NCKAP5: variants seen among roughly 807,000 people sequenced by gnomAD.
The protein encoded by NCKAP5 is nck-associated protein 5.
In NCKAP5, 92 loss-of-function variants were observed where a neutral mutation model predicts 167.0. The ratio of observed to expected loss-of-function variants is 0.55; its 90% CI spans 0.47 to 0.66. The LOEUF (loss-of-function observed/expected upper bound fraction) is 0.66, where lower values mean the gene tolerates loss of function less well. Among genes scored for constraint, NCKAP5 ranks in the 30% least tolerant of loss-of-function variants. The pLI, the probability that NCKAP5 is intolerant of heterozygous loss-of-function variation, is 0.00. For synonymous variants in NCKAP5, 891 were observed against 877.4 expected, an observed-to-expected ratio of 1.02 and a Z score of -0.27; for missense variants, 2,378 against 2,315.0, an observed-to-expected ratio of 1.03 and a Z score of -0.56.
Position 132,785,065 on chromosome 2 carries a change from A to G in NCKAP5, c.1746T>C (p.Thr582=), listed in dbSNP as rs759097141. The G allele has an allele frequency of 6.2e-7, 1 of 1,614,068 alleles. No individual in the cohort carries two copies. Among genetic ancestry groups the G allele is most frequent in the East Asian group, 2.2e-5 (1 of 44,880 alleles). Residue 582 remains threonine (T), a synonymous_variant, in exon 14 of 20, where the codon ACT becomes ACC. Transcript: ENST00000409261. ...RMALNLQLSD[T]DDNETFDELH... is the part of the protein sequence containing the mutation. ...GCTCATCAAACGTTTCATTGTCATC[A>G]GTGTCTGAAAGCTGGAGGTTGAGAG...
intron 15 of NCKAP5, among the ~76,000 whole-genome samples, chr2:132,779,467 C>T (rs1260196502): frequency 1.3e-5 from 2 of 152,096 alleles, no homozygotes; most frequent in African/African-American, 4.8e-5. Context: ...TTCTCTCTTC[C>T]TCCTTTCAGT....
chr2:133,298,634 T>A (rs1680132781), intron 4 of NCKAP5, among the ~76,000 whole-genome samples: 1 of 152,192 alleles, frequency 6.6e-6, no homozygotes, highest in Non-Finnish European at 1.5e-5. Flanking sequence ...TAAGATACAC[T>A]TACTAACCAA....
At chr2:132,933,144 C>T (rs532630492) in intron 8 of NCKAP5, among the ~76,000 whole-genome samples, 6 of 152,062 alleles carry the variant, frequency 3.9e-5, no homozygotes, top group Non-Finnish European at 8.8e-5. Context: ...CCAGGATGGT[C>T]TCGATCTTCT....
chr2:132,959,277 G>C (rs1416481214), intron 8 of NCKAP5, among the ~76,000 whole-genome samples: 1 of 151,986 alleles, frequency 6.6e-6, no homozygotes, highest in African/African-American at 2.4e-5. Context: ...AGTAGAAAAA[G>C]CTGTTATTCA....
At chr2:133,515,458 T>C (rs1485107383) in intron 3 of NCKAP5, among the ~76,000 whole-genome samples, 1 of 152,180 alleles carries the variant, frequency 6.6e-6, no homozygotes, top group East Asian at 1.9e-4. Flanking sequence ...AGGAAAAGAT[T>C]TCACTAGTGT....
intron 4 of NCKAP5, among the ~76,000 whole-genome samples, chr2:133,271,419 C>T (rs540162715): frequency 3.3e-4 from 50 of 152,162 alleles, no homozygotes; most frequent in African/African-American, 1.1e-3. Flanking sequence ...ACATGTTTCT[C>T]CTTATGTGAT....
intron 8 of NCKAP5, among the ~76,000 whole-genome samples, chr2:132,950,641 A>G (rs567499106): frequency 6.6e-6 from 1 of 152,200 alleles, no homozygotes; most frequent in Non-Finnish European, 1.5e-5. Context: ...CTGCAGGGAG[A>G]TTTTTTGGTG....
chr2:132,950,875 C>T (rs2076166089), intron 8 of NCKAP5, among the ~76,000 whole-genome samples: 1 of 151,468 alleles, frequency 6.6e-6, no homozygotes, highest in Non-Finnish European at 1.5e-5. Flanking sequence ...CCCCAGGAAC[C>T]TAAGAAGCAA....
intron 3 of NCKAP5, among the ~76,000 whole-genome samples, chr2:133,329,317 G>T (rs1487623571): frequency 6.6e-6 from 1 of 152,022 alleles, no homozygotes; most frequent in Non-Finnish European, 1.5e-5. Context: ...AAGGGAGGAG[G>T]GGCTGGGGAA....
intron 16 of NCKAP5, among the ~76,000 whole-genome samples, chr2:132,745,764 G>A (rs193215252): frequency 5.3e-5 from 8 of 151,954 alleles, no homozygotes; most frequent in African/African-American, 1.2e-4. Flanking sequence ...CATCATACAA[G>A]GATAATTTAG....
intron 3 of NCKAP5, among the ~76,000 whole-genome samples, chr2:133,306,629 G>A (rs1304413931): frequency 2.0e-5 from 3 of 152,180 alleles, no homozygotes; most frequent in African/African-American, 4.8e-5. Context: ...ACAGGGCTGA[G>A]TGAGCTAAGA....
intron 2 of NCKAP5, among the ~76,000 whole-genome samples, chr2:133,541,490 A>G (rs1686222980): frequency 6.6e-6 from 1 of 152,154 alleles, no homozygotes; most frequent in Non-Finnish European, 1.5e-5. Context: ...CGATCCTTCA[A>G]ACTCATTATA....
At chr2:132,850,629 T>A (rs1689003160) in intron 11 of NCKAP5, among the ~76,000 whole-genome samples, 1 of 152,132 alleles carries the variant, frequency 6.6e-6, no homozygotes, top group Admixed American at 6.6e-5. Context: ...ATGGCATATT[T>A]GACCACACTG....
At position 132,790,138 on chromosome 2, in the gene NCKAP5, A is replaced by T; in HGVS notation, c.977T>A (p.Leu326His). Residue 326 changes from leucine to histidine, a missense_variant, in exon 13 of 20, where the codon CTC (leucine) becomes CAC (histidine). By Grantham distance (99) the Leu-to-His change is moderately conservative (BLOSUM62 -3). This residue lies in a region of NCKAP5 where 1,049 missense variants were observed against 1,023.4 expected (regional missense o/e 1.02). Transcript: ENST00000409261. ...PGLGAVIPGH[L>H]CPRNSYSSSS... ...GCTACTGTAGCTGTTTCGAGGACAG[A>T]GATGACCAGGGATGACAGCCCCCAA... The T allele has an allele frequency of 6.2e-7, 1 of 1,613,690 alleles. No individual in the cohort carries two copies. Among genetic ancestry groups the T allele is most frequent in the Non-Finnish European group, 8.5e-7 (1 of 1,179,810 alleles).
At chr2:133,120,556 G>A (rs2082218524) in intron 6 of NCKAP5, among the ~76,000 whole-genome samples, 1 of 152,162 alleles carries the variant, frequency 6.6e-6, no homozygotes, top group African/African-American at 2.4e-5. Flanking sequence ...TTATCTGAGA[G>A]CCATAAAACA....
At chr2:133,571,610 A>T (rs1275255524), upstream of NCKAP5, among the ~76,000 whole-genome samples, 1 of 152,128 alleles carries the variant, frequency 6.6e-6, no homozygotes, top group African/African-American at 2.4e-5. Context: ...TGGTCATTTT[A>T]TTATGTTAAT....
At chr2:133,269,774 A>C (rs2089425685) in intron 4 of NCKAP5, among the ~76,000 whole-genome samples, 1 of 152,226 alleles carries the variant, frequency 6.6e-6, no homozygotes, top group African/African-American at 2.4e-5. Flanking sequence ...ATAGGAGCAG[A>C]GAAGGGAGCA....
At chr2:133,186,500 C>A (rs1374926498) in intron 5 of NCKAP5, among the ~76,000 whole-genome samples, 1 of 152,066 alleles carries the variant, frequency 6.6e-6, no homozygotes, top group Admixed American at 6.6e-5. Flanking sequence ...CCCTGCTCCT[C>A]AATTTTTTGG....
At chr2:132,953,417 C>A (rs1202625295) in intron 8 of NCKAP5, among the ~76,000 whole-genome samples, 1 of 152,104 alleles carries the variant, frequency 6.6e-6, no homozygotes, top group Non-Finnish European at 1.5e-5. Flanking sequence ...TCCACTGAGC[C>A]TTGTACACAC....
Sources: allele counts gnomAD v4.1 joint callset (sites outside exome capture counted in the v4.1 genomes callset), GRCh38; gene constraint gnomAD v4.1.1; regional missense constraint gnomAD v4.1.1; transcripts MANE v1.5; gene names NCBI Gene and HGNC (gene_info 2026-07-23, HGNC 2026-07-21).